SMARCAD1: variants seen among roughly 807,000 people sequenced by gnomAD.
SMARCAD1 encodes SWI/SNF-related matrix-associated actin-dependent regulator of chromatin subfamily A containing DEAD/H box 1.
Under a neutral mutation model 127.1 loss-of-function variants are expected in SMARCAD1, and 25 were observed. The observed-to-expected ratio is 0.20, with a 90% confidence interval of 0.14 to 0.27. SMARCAD1 has a LOEUF of 0.27. SMARCAD1 is among the 10% of genes least tolerant of loss of function. The pLI is 1.00. For missense variants in SMARCAD1, 807 were observed against 1,206.0 expected (o/e 0.67, Z 4.90); for synonymous variants, 400 against 396.9 (o/e 1.01, Z -0.09).
rs546052079 is a variant in SMARCAD1 at position 94,213,745 on chromosome 4, A to G, written c.190+5161A>G. ...TGTTCCTTGCTTGGACAGCTGGAGGATTGACACCATGGACTGAATTAAGAG... is the reference window on the plus strand; with the variant it reads ...TGTTCCTTGCTTGGACAGCTGGAGGGTTGACACCATGGACTGAATTAAGAG... On this transcript the variant is annotated intron_variant, in intron 2 of 23. Coordinates refer to ENST00000354268, the MANE Select transcript of SMARCAD1 (RefSeq NM_020159.5). Among the ~76,000 whole-genome samples, 232 of 152,232 alleles carry G rather than the reference A, an allele frequency of 1.5e-3. 2 individuals are homozygous for G. The highest frequency in any genetic ancestry group is 5.3e-3 in the African/African-American group (222 of 41,526).
intron 8 of SMARCAD1, 27 bp from the exon 9 acceptor site, chr4:94,252,585 TTTAG>T (rs770272734): frequency 4.5e-5 from 63 of 1,401,066 alleles, no homozygotes; most frequent in African/African-American, 1.0e-4. Flanking sequence ...GTATTTCTAA[TTTAG>T]TTACTGTTTT....
chr4:94,240,854 G>T, intron 5 of SMARCAD1, 52 bp from the exon 6 acceptor site: 1 of 1,370,290 alleles, frequency 7.3e-7, no homozygotes, highest in South Asian at 1.2e-5. Flanking sequence ...ACATTAAATT[G>T]ATTTTTTGCT....
At chr4:94,239,405 A>G (rs868187770) in intron 5 of SMARCAD1, among the ~76,000 whole-genome samples, 5 of 149,700 alleles carry the variant, frequency 3.3e-5, no homozygotes, top group African/African-American at 9.9e-5. Context: ...CGTATTAAAC[A>G]CTAGGGATGT....
In SMARCAD1 at chr4:94,290,716, T is replaced by C. The variant is rs1755572559; in HGVS notation, c.*1182T>C. Reference sequence around the variant, plus strand: ...TTAAATTTCTGCCTGTCAGTCTATATTGCTGTTTTTATTATACATCAGTTT... The same window carrying C: ...TTAAATTTCTGCCTGTCAGTCTATACTGCTGTTTTTATTATACATCAGTTT... On this transcript the variant is annotated 3_prime_UTR_variant, in exon 24 of 24. Coordinates refer to ENST00000354268, the MANE Select transcript of SMARCAD1 (RefSeq NM_020159.5). 3 of 437,014 alleles carry C rather than the reference T, an allele frequency of 6.9e-6. 1 individual carries two copies. Among genetic ancestry groups the C allele is most frequent in the South Asian group, 5.0e-5 (3 of 59,714 alleles). 27.1% of individuals were successfully genotyped at this position (437,014 alleles called of 1,614,324 possible). A position where few individuals can be genotyped will look rare whatever the true frequency, so the allele number is the denominator to read the frequency against.
At chr4:94,219,426 T>G (rs1034090171) in intron 2 of SMARCAD1, among the ~76,000 whole-genome samples, 3 of 152,158 alleles carry the variant, frequency 2.0e-5, no homozygotes, top group Non-Finnish European at 4.4e-5. Flanking sequence ...TAGTGATTTT[T>G]TGTTTGAAGG....
At chr4:94,242,144 G>A (rs563177027) in intron 6 of SMARCAD1, among the ~76,000 whole-genome samples, 20 of 151,512 alleles carry the variant, frequency 1.3e-4, no homozygotes, top group Non-Finnish European at 1.8e-4. Context: ...AGCAATTCTC[G>A]CACCTCAGCC....
At chr4:94,222,993 T>C (rs964672639) in intron 2 of SMARCAD1, among the ~76,000 whole-genome samples, 2 of 151,682 alleles carry the variant, frequency 1.3e-5, no homozygotes, top group African/African-American at 4.8e-5. Flanking sequence ...AAAATTGTTA[T>C]GTCTTCACCA....
intron 5 of SMARCAD1, among the ~76,000 whole-genome samples, chr4:94,239,032 T>TA (rs922569335): frequency 6.6e-6 from 1 of 152,152 alleles, no homozygotes; most frequent in Admixed American, 6.5e-5. Context: ...TTATTTCAAT[T>TA]AAAAAAATGT....
chr4:94,233,696 C>T (rs538135092), intron 3 of SMARCAD1, among the ~76,000 whole-genome samples: 1 of 152,036 alleles, frequency 6.6e-6, no homozygotes, highest in African/African-American at 2.4e-5. Flanking sequence ...AAAATAAATG[C>T]TAGGAAGTTC....
chr4:94,228,318 C>T (rs962677808), intron 3 of SMARCAD1, among the ~76,000 whole-genome samples: 6 of 152,162 alleles, frequency 3.9e-5, no homozygotes, highest in African/African-American at 1.4e-4. Context: ...CATTTTCCCA[C>T]AATTGCATTA....
chr4:94,243,477 A>G (rs1276699602), intron 6 of SMARCAD1, among the ~76,000 whole-genome samples: 1 of 152,186 alleles, frequency 6.6e-6, no homozygotes, highest in African/African-American at 2.4e-5. Flanking sequence ...TAACGGCTCA[A>G]GTCTCATGGT....
chr4:94,283,628 A>G (rs930803987), intron 22 of SMARCAD1, among the ~76,000 whole-genome samples: 9 of 152,160 alleles, frequency 5.9e-5, no homozygotes, highest in Non-Finnish European at 1.2e-4. Context: ...GATCGAGACC[A>G]TCCTGGTTAA....
chr4:94,276,972 G>C, intron 15 of SMARCAD1, 50 bp from the exon 16 acceptor site: 1 of 1,607,704 alleles, frequency 6.2e-7, no homozygotes, highest in Non-Finnish European at 8.5e-7. Flanking sequence ...AGACATGAAA[G>C]GAGTGGCTCT....
intron 23 of SMARCAD1, among the ~76,000 whole-genome samples, chr4:94,287,908 T>C (rs1755173889): frequency 6.6e-6 from 1 of 152,044 alleles, no homozygotes; most frequent in African/African-American, 2.4e-5. Flanking sequence ...ATGCCAGCAC[T>C]TGGGGAGACA....
Position 94,243,844 on chromosome 4 carries a change from C to T in SMARCAD1, c.705+2838C>T, listed in dbSNP as rs529959998. 2.0e-5 allele frequency among the ~76,000 whole-genome samples: 3 copies of T among 152,290 alleles called. No individual in the cohort carries two copies. In the East Asian group the frequency reaches 5.8e-4, roughly 29 times the overall value. On this transcript the variant is annotated intron_variant, in intron 6 of 23. Transcript: ENST00000354268. ...ATCTTTTCTATTTGAAAAAAGCACT[C>T]ATTCAACATCTCAAACCTACCTAAG...
intron 3 of SMARCAD1, among the ~76,000 whole-genome samples, chr4:94,232,778 G>T (rs763085576): frequency 2.6e-5 from 4 of 152,096 alleles, no homozygotes; most frequent in Non-Finnish European, 5.9e-5. Context: ...AACTCTGGCA[G>T]TAGATAAAAT....
In SMARCAD1 at chr4:94,241,273, A is replaced by G. The variant is rs184382500; in HGVS notation, c.705+267A>G. On this transcript the variant is annotated intron_variant, in intron 6 of 23. Coordinates refer to ENST00000354268, the MANE Select transcript of SMARCAD1 (RefSeq NM_020159.5). ...TGAATCATTCTTTCTTTTCTTTCACAGCTAAGCCAGATAATTTGTGCTTGC... is the reference window on the plus strand; with the variant it reads ...TGAATCATTCTTTCTTTTCTTTCACGGCTAAGCCAGATAATTTGTGCTTGC... Among the ~76,000 whole-genome samples, 4 of 152,266 alleles carry G rather than the reference A, an allele frequency of 2.6e-5. No homozygotes were observed. In the East Asian group the frequency reaches 7.7e-4, roughly 29 times the overall value.
At chr4:94,284,339 A>G (rs1346622670) in intron 22 of SMARCAD1, among the ~76,000 whole-genome samples, 7 of 103,852 alleles carry the variant, frequency 6.7e-5, no homozygotes, top group Admixed American at 4.6e-4. Flanking sequence ...AAAAAAAAAA[A>G]AAAAAAAAAA....
At chr4:94,252,580 T>C in intron 8 of SMARCAD1, 36 bp from the exon 9 acceptor site, 1 of 1,370,144 alleles carries the variant, frequency 7.3e-7, no homozygotes, top group Non-Finnish European at 9.9e-7. Flanking sequence ...TTTATGTATT[T>C]CTAATTTAGT....
Sources: gnomAD v4.1 joint callset for allele counts (sites outside exome capture counted in the v4.1 genomes callset) on GRCh38, gnomAD v4.1.1 for gene constraint, MANE v1.5 for transcripts, NCBI Gene and HGNC (gene_info 2026-07-23, HGNC 2026-07-21) for gene names.